DMD: variants seen among roughly 807,000 people sequenced by gnomAD.
DMD encodes the protein mutant dystrophin.
Under a neutral mutation model 330.1 loss-of-function variants are expected in DMD, and 63 were observed. The ratio of observed to expected loss-of-function variants is 0.19; its 90% confidence interval spans 0.16 to 0.24. The LOEUF (loss-of-function observed/expected upper bound fraction) is 0.24, where lower values mean the gene tolerates loss of function less well. Among genes scored for constraint, DMD ranks in the 10% least tolerant of loss-of-function variants. The probability of loss-of-function intolerance (pLI) is 1.00; values close to 1 mark genes in which losing one functional copy is unlikely to be tolerated. For synonymous variants in DMD, 1,223 were observed against 959.8 expected (o/e 1.27, Z -5.07); for missense variants, 3,344 against 2,684.1 (o/e 1.25, Z -5.43).
At chrX:32,723,122 C>T (rs909421710) in intron 7 of DMD, among the ~76,000 whole-genome samples, 5 of 111,007 alleles carry the variant, frequency 4.5e-5, no homozygotes, top group South Asian at 3.8e-4. Context: ...ACATATTTTG[C>T]GAAGAGTTAT....
intron 44 of DMD, among the ~76,000 whole-genome samples, chrX:32,120,831 G>C (rs1387414778): frequency 8.9e-6 from 1 of 111,778 alleles, no homozygotes; most frequent in African/African-American, 3.3e-5. Context: ...AACCACCTTG[G>C]CTGATAACTA....
intron 44 of DMD, among the ~76,000 whole-genome samples, chrX:32,072,956 C>G (rs1341782837): frequency 8.9e-6 from 1 of 111,809 alleles, no homozygotes; most frequent in Non-Finnish European, 1.9e-5. Context: ...GTTCTTTTGA[C>G]AGTAAAGATT....
intron 7 of DMD, among the ~76,000 whole-genome samples, chrX:32,749,115 A>C (rs1393281924): frequency 8.9e-6 from 1 of 111,900 alleles, no homozygotes; most frequent in Non-Finnish European, 1.9e-5. Context: ...CCCCCTACCA[A>C]ATTTACTAGA....
chrX:32,622,173 G>T (rs1446924033), intron 11 of DMD, among the ~76,000 whole-genome samples: 1 of 111,481 alleles, frequency 9.0e-6, no homozygotes, highest in Non-Finnish European at 1.9e-5. Flanking sequence ...AGAGAGAAGT[G>T]TGACTGCCAA....
intron 50 of DMD, among the ~76,000 whole-genome samples, chrX:31,775,726 C>G (rs1169462949): frequency 9.0e-6 from 1 of 110,713 alleles, no homozygotes; most frequent in Non-Finnish European, 1.9e-5. Flanking sequence ...CTGAGGTAGC[C>G]AATCATTAAT....
At chrX:33,094,071 T>G (rs770990655) in intron 1 of DMD, among the ~76,000 whole-genome samples, 2 of 110,951 alleles carry the variant, frequency 1.8e-5, no homozygotes, top group East Asian at 2.8e-4. Context: ...CTATTGAAAA[T>G]GTGTGTTTTT....
At chrX:31,192,927 A>G (rs1163777960) in intron 67 of DMD, among the ~76,000 whole-genome samples, 1 of 111,911 alleles carries the variant, frequency 8.9e-6, no homozygotes, top group Non-Finnish European at 1.9e-5. Flanking sequence ...TAAATCTTCA[A>G]CTGAATTATA....
chrX:32,601,943 G>A (rs2056253254), intron 12 of DMD, among the ~76,000 whole-genome samples: 1 of 111,652 alleles, frequency 9.0e-6, no homozygotes, highest in African/African-American at 3.2e-5. Context: ...AAACTAAACT[G>A]CAATGACCTA....
rs767479340 is a variant in DMD at position 32,989,927 on chromosome X, C to A, written c.93+30212G>T. On this transcript the variant is annotated intron_variant, in intron 2 of 78. Coordinates refer to ENST00000357033, the MANE Select transcript of DMD (RefSeq NM_004006.3). ...AATTAATCCTATTATTAATAGTTGT[C>A]TAATTTCTCACTATTCTGTTCCTTA... is the stretch of plus-strand genomic sequence containing the variant. Among the ~76,000 whole-genome samples the A allele has an allele frequency of 6.3e-5, 7 of 111,711 alleles. No homozygotes were observed. In the East Asian group the frequency reaches 2.0e-3, roughly 31 times the overall value.
chrX:33,225,600 C>G (rs1251056915), intron 1 of DMD, among the ~76,000 whole-genome samples: 1 of 111,451 alleles, frequency 9.0e-6, no homozygotes, highest in African/African-American at 3.3e-5. Context: ...ATGTGAAACA[C>G]AAAATAATAA....
At chrX:31,530,647 C>CTTTTTTTTTTTTTT (rs1192286078) in intron 55 of DMD, among the ~76,000 whole-genome samples, 1 of 49,839 alleles carries the variant, frequency 2.0e-5, no homozygotes, top group Non-Finnish European at 3.6e-5. Flanking sequence ...ACTGGTTTCT[C>CTTTTTTTTTTTTTT]TTTTTTTTTT....
chrX:31,977,929 A>C lies in DMD; in HGVS notation c.6439-9415T>G, dbSNP rs770893259. 2.7e-5 allele frequency among the ~76,000 whole-genome samples: 3 copies of C among 111,788 alleles called. No individual in the cohort carries two copies. The South Asian group carries it at 1.1e-3, about 42-fold the overall frequency. ...GATAAAGCAGACAAATGACATAAGC[A>C]AGTCATCTGTTAGATTTTTCTCAAT... On this transcript the variant is annotated intron_variant, in intron 44 of 78. Coordinates refer to ENST00000357033, the MANE Select transcript of DMD (RefSeq NM_004006.3).
rs182357440 is a variant in DMD, at chrX:31,927,694, A to G, written c.6912+1902T>C. Among the ~76,000 whole-genome samples the G allele has an allele frequency of 5.2e-3, 576 of 110,898 alleles. 2 individuals are homozygous for G. Among genetic ancestry groups the G allele is most frequent in the Non-Finnish European group, 8.8e-3 (467 of 52,946 alleles). Reference sequence around the variant, plus strand: ...TTGAAATAGAGACACTTAAGCGCACATTATGGTTTTAATGTCATAAAATTG... The same window carrying G: ...TTGAAATAGAGACACTTAAGCGCACGTTATGGTTTTAATGTCATAAAATTG... On this transcript the variant is annotated intron_variant, in intron 47 of 78. Transcript: ENST00000357033.
chrX:32,251,732 G>C (rs1049739193), intron 43 of DMD, among the ~76,000 whole-genome samples: 5 of 111,396 alleles, frequency 4.5e-5, no homozygotes, highest in Non-Finnish European at 9.4e-5. Flanking sequence ...CATTTTAAGA[G>C]GATGAGGCGG....
At chrX:32,813,296 A>C (rs1364759618) in intron 6 of DMD, among the ~76,000 whole-genome samples, 1 of 111,857 alleles carries the variant, frequency 8.9e-6, no homozygotes, top group African/African-American at 3.3e-5. Context: ...TATGAAGGAA[A>C]CCCACACAGC....
chrX:32,645,204 T>A lies in DMD; in HGVS notation c.961-52A>T, dbSNP rs756437314. ...ACACAATTAATGTCTTTGCAGATTG[T>A]TCCAGTACATTAAATGATGAATCGA... is the stretch of plus-strand genomic sequence containing the variant. On this transcript the variant is annotated intron_variant, in intron 9 of 78. Coordinates refer to ENST00000357033, the MANE Select transcript of DMD (RefSeq NM_004006.3). 39 of 1,131,537 alleles carry A rather than the reference T, an allele frequency of 3.4e-5. 1 individual carries two copies. In the African/African-American group the frequency reaches 6.1e-4, roughly 18 times the overall value. 93.3% of individuals were successfully genotyped at this position (1,131,537 alleles called of 1,213,427 possible).
At chrX:32,477,748 C>A (rs2041388462) in intron 21 of DMD, among the ~76,000 whole-genome samples, 1 of 110,570 alleles carries the variant, frequency 9.0e-6, no homozygotes, top group African/African-American at 3.3e-5. Flanking sequence ...AATCTCTCCT[C>A]TTGAAAAATA....
chrX:32,903,160 A>AAAG (rs1194305145), intron 2 of DMD, among the ~76,000 whole-genome samples: 29 of 101,474 alleles, frequency 2.9e-4, no homozygotes, highest in South Asian at 9.6e-4. Context: ...AAAAAAAAAA[A>AAAG]AAAAAGAAAC....
At chrX:32,088,500 TAAAA>T (rs35808590) in intron 44 of DMD, among the ~76,000 whole-genome samples, 7 of 87,326 alleles carry the variant, frequency 8.0e-5, no homozygotes, top group African/African-American at 2.8e-4. Flanking sequence ...AAGCGATGAC[TAAAA>T]AAAAAAAAAA....
Sources: allele counts gnomAD v4.1 joint callset (sites outside exome capture counted in the v4.1 genomes callset), GRCh38; gene constraint gnomAD v4.1.1; transcripts MANE v1.5; gene names NCBI Gene and HGNC (gene_info 2026-07-23, HGNC 2026-07-21).